PDLIM3: variants seen among roughly 807,000 people sequenced by gnomAD.
The protein encoded by PDLIM3 is PDZ and LIM domain 3.
Under a neutral mutation model 37.3 loss-of-function variants are expected in PDLIM3, and 36 were observed. That is an observed-to-expected ratio of 0.97 (90% CI 0.74 to 1.28). PDLIM3 has a LOEUF of 1.28. PDLIM3 is among the 50% of genes most tolerant of loss of function. The pLI, the probability that PDLIM3 is intolerant of heterozygous loss-of-function variation, is 0.00. For missense variants in PDLIM3, 454 were observed against 485.0 expected (o/e 0.94, Z 0.60); for synonymous variants, 174 against 182.4 (o/e 0.95, Z 0.37).
At chr4:185,513,422 A>G (rs192917489) in intron 4 of PDLIM3, 9 of 934,540 alleles carry the variant, frequency 9.6e-6, no homozygotes, top group Non-Finnish European at 1.1e-5. Flanking sequence ...GAGGTCACAC[A>G]TGTATGAAAA....
intron 5 of PDLIM3, among the ~76,000 whole-genome samples, chr4:185,507,914 C>T (rs1386549097): frequency 3.3e-5 from 5 of 151,950 alleles, no homozygotes; most frequent in Non-Finnish European, 5.9e-5. Context: ...AAAGGACAGA[C>T]ATAGGGTATA....
intron 1 of PDLIM3, among the ~76,000 whole-genome samples, chr4:185,528,016 T>C (rs1033916147): frequency 4.6e-5 from 7 of 152,090 alleles, no homozygotes; most frequent in African/African-American, 1.2e-4. Context: ...ATTGCACCAC[T>C]GCACGCCAGC....
At chr4:185,510,251 T>C (rs1304444338) in intron 4 of PDLIM3, among the ~76,000 whole-genome samples, 2 of 152,208 alleles carry the variant, frequency 1.3e-5, no homozygotes, top group African/African-American at 4.8e-5. Flanking sequence ...AGTTAAATCC[T>C]GGGAGACTTC....
At chr4:185,505,795 A>G (rs1021883398) in intron 6 of PDLIM3, among the ~76,000 whole-genome samples, 1 of 152,182 alleles carries the variant, frequency 6.6e-6, no homozygotes, top group African/African-American at 2.4e-5. Context: ...AGTAATGCAC[A>G]GGGTTCCCAT....
At chr4:185,506,985 A>G in intron 5 of PDLIM3, 1 of 246,132 alleles carries the variant, frequency 4.1e-6, no homozygotes, top group Non-Finnish European at 8.1e-6. Flanking sequence ...GATAGATGTG[A>G]ACAAAATTAA....
chr4:185,529,470 C>G (rs571380352), intron 1 of PDLIM3, among the ~76,000 whole-genome samples: 1 of 152,224 alleles, frequency 6.6e-6, no homozygotes, highest in Admixed American at 6.5e-5. Flanking sequence ...CAAGCACACA[C>G]TGAAGCACTG....
At chr4:185,505,929 C>A (rs1472132757) in intron 6 of PDLIM3, among the ~76,000 whole-genome samples, 3 of 152,184 alleles carry the variant, frequency 2.0e-5, no homozygotes, top group Non-Finnish European at 4.4e-5. Context: ...CATGGAGAAG[C>A]CTAGGTCAGG....
Position 185,501,643 on chromosome 4 carries a change from C to G in PDLIM3, c.*651G>C, listed in dbSNP as rs2095687203. ...TAATGAGTTATAAAACCTGAAGAAG[C>G]CACATTTATCTTAAAATATTTGTTA... is the stretch of plus-strand genomic sequence containing the variant. On this transcript the variant is annotated 3_prime_UTR_variant, in exon 8 of 8. Transcript: ENST00000284767. 1 of 152,648 alleles carries G rather than the reference C, an allele frequency of 6.6e-6. No homozygotes were observed. The highest frequency in any genetic ancestry group is 1.5e-5 in the Non-Finnish European group (1 of 68,444). 9.5% of individuals were successfully genotyped at this position (152,648 alleles called of 1,614,324 possible).
chr4:185,506,455 CGT>C, intron 6 of PDLIM3, 65 bp downstream of exon 6: 1 of 1,595,642 alleles, frequency 6.3e-7, no homozygotes, highest in South Asian at 1.1e-5. Context: ...TGTTTGCTGT[CGT>C]CCCCGTCCCG....
chr4:185,511,871 A>T (rs891322355), intron 4 of PDLIM3, among the ~76,000 whole-genome samples: 59 of 152,310 alleles, frequency 3.9e-4, no homozygotes, highest in African/African-American at 1.4e-3. Context: ...ATATATCAAA[A>T]CAGCACACGT....
At chr4:185,527,373 C>G (rs2095736131) in intron 1 of PDLIM3, among the ~76,000 whole-genome samples, 2 of 152,212 alleles carry the variant, frequency 1.3e-5, no homozygotes, top group Non-Finnish European at 2.9e-5. Flanking sequence ...GATACAAGTT[C>G]ATCTGAATAA....
rs543574555 is a variant in PDLIM3 at position 185,515,081 on chromosome 4, G to A, written c.331-744C>T. On this transcript the variant is annotated intron_variant, in intron 3 of 7. Coordinates refer to ENST00000284767, the MANE Select transcript of PDLIM3 (RefSeq NM_014476.6). ...GAGCTTTACATGTGCTATATTCACCGATCAAATGTTAAGGTGAAAAGGAAC... is the reference window on the plus strand; with the variant it reads ...GAGCTTTACATGTGCTATATTCACCAATCAAATGTTAAGGTGAAAAGGAAC... The A allele has an allele frequency of 2.8e-4, 124 of 438,576 alleles. No homozygotes were observed. The East Asian group carries it at 3.8e-3, about 14-fold the overall frequency. 27.2% of individuals were successfully genotyped at this position (438,576 alleles called of 1,614,324 possible).
At chr4:185,510,886 A>G (rs2095705400) in intron 4 of PDLIM3, among the ~76,000 whole-genome samples, 1 of 152,262 alleles carries the variant, frequency 6.6e-6, no homozygotes, top group Non-Finnish European at 1.5e-5. Flanking sequence ...CTGATCCTTT[A>G]AGTAAACGAG....
chr4:185,535,281 GT>G, intron 1 of PDLIM3, 60 bp downstream of exon 1: 1 of 1,443,146 alleles, frequency 6.9e-7, no homozygotes, highest in Admixed American at 1.9e-5. Flanking sequence ...CATCCACTGC[GT>G]CCCCCCGGAC....
chr4:185,512,084 CTT>C (rs2095707469), intron 4 of PDLIM3: 1 of 132,462 alleles, frequency 7.5e-6, no homozygotes, highest in Non-Finnish European at 1.6e-5. Flanking sequence ...TGGGGGCACT[CTT>C]ATAATTCTTT....
rs199476399 is a variant in PDLIM3 at position 185,525,086 on chromosome 4, A to ATG, written c.177_178dup (p.Met60ThrfsTer2). On this transcript the variant is annotated frameshift_variant, in exon 2 of 8. Transcript: ENST00000284767. LOFTEE classifies it high-confidence loss of function. ...CCTGTCCTGCGCATCAGCATGAGTC[A>ATG]TGGACTCTGTCCCAAAGCCGTCAAT... The ATG allele has an allele frequency of 2.7e-5, 44 of 1,614,058 alleles. No homozygotes were observed. The highest frequency in any genetic ancestry group is 3.5e-5 in the Non-Finnish European group (41 of 1,180,002).
At chr4:185,512,153 C>T (rs987125977) in intron 4 of PDLIM3, 2 of 144,762 alleles carry the variant, frequency 1.4e-5, no homozygotes, top group African/African-American at 5.2e-5. Flanking sequence ...ATGATCTCAG[C>T]TCACTACAAC....
intron 4 of PDLIM3, 77 bp from the exon 5 acceptor site, chr4:185,508,639 G>T: frequency 7.0e-7 from 1 of 1,437,176 alleles, no homozygotes; most frequent in Non-Finnish European, 9.8e-7. Flanking sequence ...CAGAGAACAC[G>T]TACAGAGAGG....
intron 1 of PDLIM3, among the ~76,000 whole-genome samples, chr4:185,528,070 C>CAAAACA (rs753840752): frequency 3.4e-5 from 1 of 29,730 alleles, no homozygotes; most frequent in Non-Finnish European, 9.9e-5. Context: ...AAAAACAAAA[C>CAAAACA]AAAACAAACA....
Sources: gnomAD v4.1 joint callset for allele counts (sites outside exome capture counted in the v4.1 genomes callset) on GRCh38, gnomAD v4.1.1 for gene constraint, MANE v1.5 for transcripts, NCBI Gene and HGNC (gene_info 2026-07-23, HGNC 2026-07-21) for gene names.